Variants in CCDC69 observed in about 807,000 individuals in gnomAD.
The protein encoded by CCDC69 is coiled-coil domain containing 69, also known as coiled-coil domain-containing protein 69.
CCDC69 carries 38 observed loss-of-function variants against 40.3 expected under a neutral mutation model. The observed-to-expected ratio is 0.94, with a 90% CI of 0.73 to 1.24. The LOEUF is 1.24. Among genes scored for constraint, CCDC69 ranks in the 50% most tolerant of loss-of-function variants. CCDC69 has a pLI of 0.00. For missense variants in CCDC69, 389 were observed against 357.9 expected (o/e 1.09, Z -0.70); for synonymous variants, 141 against 138.9 (o/e 1.02, Z -0.11).
At chr5:151,184,509 C>G (rs1044501868) in intron 7 of CCDC69, 68 bp from the exon 8 acceptor site, 118 of 961,504 alleles carry the variant, frequency 1.2e-4, no homozygotes, top group Non-Finnish European at 1.8e-4. Context: ...TGTCACCTCC[C>G]TCTTATCTGT....
chr5:151,206,278 T>C (rs1277379509), intron 1 of CCDC69, among the ~76,000 whole-genome samples: 1 of 152,182 alleles, frequency 6.6e-6, no homozygotes, highest in Non-Finnish European at 1.5e-5. Flanking sequence ...CATGCCCTCC[T>C]TGGGGGCTAC....
At chr5:151,205,356 C>A (rs373292367) in intron 2 of CCDC69, 44 bp downstream of exon 2, 34 of 1,440,814 alleles carry the variant, frequency 2.4e-5, no homozygotes, top group African/African-American at 4.2e-5. Context: ...AAGGTAGGAA[C>A]CTCACAGATG....
At chr5:151,185,928 T>C in intron 6 of CCDC69, 95 bp downstream of exon 6, 1 of 838,106 alleles carries the variant, frequency 1.2e-6, no homozygotes. Context: ...CAGGTCTGAG[T>C]CTTGTCCTTG....
At chr5:151,194,588 G>A (rs769836193) in intron 4 of CCDC69, among the ~76,000 whole-genome samples, 9 of 152,086 alleles carry the variant, frequency 5.9e-5, no homozygotes, top group South Asian at 4.1e-4. Flanking sequence ...TGATTGTGGC[G>A]ATGGTTACAA....
At chr5:151,187,816 A>C (rs1752546968) in intron 4 of CCDC69, among the ~76,000 whole-genome samples, 1 of 152,248 alleles carries the variant, frequency 6.6e-6, no homozygotes, top group Non-Finnish European at 1.5e-5. Context: ...ATGCTTTGTA[A>C]ACTGGATTAG....
chr5:151,182,902 C>T lies in CCDC69; in HGVS notation c.*535G>A, dbSNP rs1263791364. 2 of 382,226 alleles carry T rather than the reference C, an allele frequency of 5.2e-6. No homozygotes were observed. The highest frequency in any genetic ancestry group is 7.3e-5 in the East Asian group (1 of 13,692). The allele number at this position is 382,226 out of a possible 1,614,324, so 23.7% of individuals were successfully genotyped here. On this transcript the variant is annotated 3_prime_UTR_variant, in exon 9 of 9. Transcript: ENST00000355417. ...GGGTTTGTCCACACTCCCCCCAACC[C>T]CTACTCTGGCCTTCAGACAATCCTA...
rs755329343 is a variant in CCDC69 at position 151,201,559 on chromosome 5, G to C, written c.231+23C>G. 13 of 1,513,330 alleles carry C rather than the reference G, an allele frequency of 8.6e-6. No individual in the cohort carries two copies. In the Admixed American group the frequency reaches 1.0e-4, roughly 12 times the overall value. 93.7% of individuals were successfully genotyped at this position (1,513,330 alleles called of 1,614,324 possible). A position where few individuals can be genotyped will look rare whatever the true frequency, so the allele number is the denominator to read the frequency against. ...AGTTAGCTGAGCAGGAGAAAGACAG[G>C]GGGTGGGGGCACCTGGACTTACCTG... On this transcript the variant is annotated intron_variant, in intron 3 of 8. Coordinates refer to ENST00000355417, the MANE Select transcript of CCDC69 (RefSeq NM_015621.3).
chr5:151,194,742 A>C (rs1752670085), intron 4 of CCDC69, among the ~76,000 whole-genome samples: 1 of 152,044 alleles, frequency 6.6e-6, no homozygotes, highest in African/African-American at 2.4e-5. Flanking sequence ...AAAATACAAA[A>C]ATTAGCTGGG....
Position 151,187,376 on chromosome 5 carries a change from C to T in CCDC69, c.393+10G>A. 6.2e-7 allele frequency: 1 copy of T among 1,613,274 alleles called. No homozygotes were observed. The highest frequency in any genetic ancestry group is 8.5e-7 in the Non-Finnish European group (1 of 1,179,290). On this transcript the variant is annotated intron_variant, in intron 5 of 8. Transcript: ENST00000355417. Reference sequence around the variant, plus strand: ...CTTATCCAAGACTGACACGACCCAGCCCCTCTCACCTGCTGGGTAGAACTG... The same window carrying T: ...CTTATCCAAGACTGACACGACCCAGTCCCTCTCACCTGCTGGGTAGAACTG...
In CCDC69 at chr5:151,181,997, C is replaced by T. The variant is rs1766638198; in HGVS notation, c.*1440G>A. On this transcript the variant is annotated 3_prime_UTR_variant, in exon 9 of 9. Transcript: ENST00000355417. The stretch of plus-strand genomic sequence containing the variant: ...GAAGGAGACTGTACACAGGGGAATA[C>T]AGAAGGCAGTCTGGGATGATGTCAC... The T allele has an allele frequency of 6.6e-6, 1 of 152,196 alleles. No homozygotes were observed. Among genetic ancestry groups the T allele is most frequent in the Non-Finnish European group, 1.5e-5 (1 of 68,052 alleles). The allele number at this position is 152,196 out of a possible 1,614,324, so 9.4% of individuals were successfully genotyped here.
intron 5 of CCDC69, among the ~76,000 whole-genome samples, chr5:151,186,874 C>A (rs961719594): frequency 2.0e-5 from 3 of 152,178 alleles, no homozygotes; most frequent in African/African-American, 7.2e-5. Flanking sequence ...CCCCAGGCAT[C>A]CTGGACATCT....
At chr5:151,208,295 A>G (rs1277049525) in intron 1 of CCDC69, among the ~76,000 whole-genome samples, 2 of 152,234 alleles carry the variant, frequency 1.3e-5, no homozygotes, top group Admixed American at 6.5e-5. Flanking sequence ...TGAAGAGGCT[A>G]TGAAAATGTT....
At chr5:151,193,342 CAAAAAA>C (rs35463341) in intron 4 of CCDC69, among the ~76,000 whole-genome samples, 3 of 77,564 alleles carry the variant, frequency 3.9e-5, no homozygotes, top group Non-Finnish European at 7.9e-5. Context: ...CTCATTTCTA[CAAAAAA>C]AAAAAAAAAA....
chr5:151,223,803 G>T, intron 1 of CCDC69, 120 bp downstream of exon 1: 1 of 983,804 alleles, frequency 1.0e-6, no homozygotes, highest in Non-Finnish European at 1.5e-6. Context: ...GCCTCTCCAG[G>T]TTCTCCGTCC....
intron 4 of CCDC69, among the ~76,000 whole-genome samples, chr5:151,191,480 C>G (rs76382025): frequency 6.6e-6 from 1 of 152,116 alleles, no homozygotes; most frequent in Non-Finnish European, 1.5e-5. Flanking sequence ...ATGAAACAAA[C>G]CTTAACAAAC....
chr5:151,204,308 T>C (rs554809845), intron 2 of CCDC69, among the ~76,000 whole-genome samples: 2 of 152,300 alleles, frequency 1.3e-5, no homozygotes, highest in Admixed American at 6.5e-5. Context: ...GTGCTGGGAT[T>C]ATAGGCAAGA....
intron 1 of CCDC69, among the ~76,000 whole-genome samples, chr5:151,219,468 A>C (rs1753105501): frequency 6.6e-6 from 1 of 152,194 alleles, no homozygotes; most frequent in Non-Finnish European, 1.5e-5. Context: ...GACTGCAAAG[A>C]ACCACGCGTC....
intron 2 of CCDC69, among the ~76,000 whole-genome samples, chr5:151,202,897 T>C (rs1284896440): frequency 3.9e-5 from 6 of 152,100 alleles, no homozygotes; most frequent in Admixed American, 3.3e-4. Flanking sequence ...GAGGCTGAGA[T>C]GATTAAATCA....
chr5:151,188,541 G>A (rs1752559453), intron 4 of CCDC69, among the ~76,000 whole-genome samples: 1 of 151,652 alleles, frequency 6.6e-6, no homozygotes, highest in South Asian at 2.1e-4. Flanking sequence ...GGAGGCAGAA[G>A]TTGCAGTGAG....
Sources: allele counts gnomAD v4.1 joint callset (sites outside exome capture counted in the v4.1 genomes callset), GRCh38; gene constraint gnomAD v4.1.1; transcripts MANE v1.5; gene names NCBI Gene and HGNC (gene_info 2026-07-23, HGNC 2026-07-21).